The following LRRC28 variants were observed in gnomAD, a reference collection of about 807,000 sequenced individuals.
LRRC28 encodes the protein leucine-rich repeat-containing protein 28.
Under a neutral mutation model 45.7 loss-of-function variants are expected in LRRC28, and 39 were observed. The observed-to-expected ratio is 0.85, with a 90% CI of 0.66 to 1.12. LRRC28 has a LOEUF of 1.12. Ranked by LOEUF, LRRC28 falls within the 50% of genes most tolerant of loss-of-function variation. The probability of loss-of-function intolerance (pLI) is 0.00; values close to 1 mark genes in which losing one functional copy is unlikely to be tolerated. For missense variants in LRRC28, 435 were observed against 438.5 expected (o/e 0.99, Z 0.07); for synonymous variants, 206 against 178.8 (o/e 1.15, Z -1.22).
At chr15:99,341,083 C>CTTTTTTTTTTTTTT (rs528372394) in intron 6 of LRRC28, among the ~76,000 whole-genome samples, 2 of 100,492 alleles carry the variant, frequency 2.0e-5, no homozygotes, top group Non-Finnish European at 3.8e-5. Context: ...ATTCTACTGT[C>CTTTTTTTTTTTTTT]TTTTTTTTTT....
intron 2 of LRRC28, among the ~76,000 whole-genome samples, chr15:99,274,069 T>C (rs577860856): frequency 6.6e-6 from 1 of 152,246 alleles, no homozygotes; most frequent in Non-Finnish European, 1.5e-5. Context: ...TGACTAGTTA[T>C]GATGGATCTT....
At chr15:99,304,613 A>G (rs915505680) in intron 5 of LRRC28, among the ~76,000 whole-genome samples, 11 of 151,246 alleles carry the variant, frequency 7.3e-5, no homozygotes, top group African/African-American at 2.7e-4. Context: ...TTATTTATTT[A>G]TTTTTGTATT....
In LRRC28 at chr15:99,390,469, A is replaced by G. The variant is rs1958152609; in HGVS notation, c.*4367A>G. The G allele has an allele frequency of 6.6e-6, 1 of 152,200 alleles. No individual in the cohort carries two copies. Among genetic ancestry groups the G allele is most frequent in the African/African-American group, 2.4e-5 (1 of 41,450 alleles). The allele number at this position is 152,200 out of a possible 1,614,324, so 9.4% of individuals were successfully genotyped here. On this transcript the variant is annotated 3_prime_UTR_variant, in exon 10 of 10. Coordinates refer to ENST00000301981, the MANE Select transcript of LRRC28 (RefSeq NM_144598.5). Reference sequence around the variant, plus strand: ...TTATCTTTGCTACCTGTGTTAAAGAATATCAGGTTTTGTTTCTTATTGTGA... The same window carrying G: ...TTATCTTTGCTACCTGTGTTAAAGAGTATCAGGTTTTGTTTCTTATTGTGA...
At chr15:99,351,501 C>T (rs1465558701) in intron 6 of LRRC28, among the ~76,000 whole-genome samples, 1 of 152,172 alleles carries the variant, frequency 6.6e-6, no homozygotes, top group Admixed American at 6.5e-5. Context: ...CACTCCAGCT[C>T]CTGCTCTCTG....
At chr15:99,318,733 G>C (rs1475504531) in intron 5 of LRRC28, among the ~76,000 whole-genome samples, 1 of 151,762 alleles carries the variant, frequency 6.6e-6, no homozygotes, top group East Asian at 1.9e-4. Context: ...TTCTTACAAA[G>C]GCTATATATT....
At chr15:99,361,723 A>G (rs980103968) in intron 8 of LRRC28, among the ~76,000 whole-genome samples, 11 of 152,230 alleles carry the variant, frequency 7.2e-5, no homozygotes, top group African/African-American at 2.7e-4. Context: ...CTAATAAGAA[A>G]AATAGTTTTG....
At chr15:99,297,961 A>G (rs1281332473) in intron 5 of LRRC28, among the ~76,000 whole-genome samples, 1 of 152,144 alleles carries the variant, frequency 6.6e-6, no homozygotes, top group African/African-American at 2.4e-5. Context: ...ACATACAGAA[A>G]AATACTCCTT....
chr15:99,386,640 C>G lies in LRRC28; in HGVS notation c.*538C>G, dbSNP rs1567719990. On this transcript the variant is annotated 3_prime_UTR_variant, in exon 10 of 10. Transcript: ENST00000301981. ...CGCCTGAGTTGGCAGCAAAGTGAGG[C>G]TCCCATGGAGGCTCAGTGAGGGTCC... The G allele has an allele frequency of 6.5e-6, 1 of 153,030 alleles. No homozygotes were observed. Among genetic ancestry groups the G allele is most frequent in the Non-Finnish European group, 1.5e-5 (1 of 68,642 alleles). 9.5% of individuals were successfully genotyped at this position (153,030 alleles called of 1,614,324 possible). A position where few individuals can be genotyped will look rare whatever the true frequency, so the allele number is the denominator to read the frequency against.
At chr15:99,364,815 G>A (rs574662032) in intron 9 of LRRC28, among the ~76,000 whole-genome samples, 2 of 152,214 alleles carry the variant, frequency 1.3e-5, no homozygotes, top group South Asian at 2.1e-4. Context: ...GTAATAAAAA[G>A]CAAATGTTAA....
intron 6 of LRRC28, among the ~76,000 whole-genome samples, chr15:99,341,641 G>A (rs961677727): frequency 8.5e-5 from 13 of 152,148 alleles, no homozygotes; most frequent in African/African-American, 3.1e-4. Flanking sequence ...TGATTAATGT[G>A]AAGAAAGTGA....
At chr15:99,352,527 C>T in intron 7 of LRRC28, 56 bp downstream of exon 7, 1 of 1,414,284 alleles carries the variant, frequency 7.1e-7, no homozygotes, top group Non-Finnish European at 9.9e-7. Context: ...TTTGGTACTT[C>T]TGTTCAATTT....
chr15:99,288,346 T>C (rs9920418), intron 5 of LRRC28, among the ~76,000 whole-genome samples: 120,026 of 148,450 alleles, frequency 0.81, 48,786 homozygotes, highest in African/African-American at 0.9. Flanking sequence ...TCTTACTCTC[T>C]AGTGAGGTAA....
chr15:99,302,463 A>G (rs1422258304), intron 5 of LRRC28, among the ~76,000 whole-genome samples: 1 of 152,168 alleles, frequency 6.6e-6, no homozygotes, highest in South Asian at 2.1e-4. Context: ...ATCTTGGCTC[A>G]CTGCAACCTC....
chr15:99,337,887 A>G (rs1956378788), intron 6 of LRRC28: 1 of 152,390 alleles, frequency 6.6e-6, no homozygotes, highest in Non-Finnish European at 1.5e-5. Context: ...GATGATGATG[A>G]TGATGATGAA....
At chr15:99,379,568 C>A (rs12593670) in intron 9 of LRRC28, among the ~76,000 whole-genome samples, 18,551 of 152,110 alleles carry the variant, frequency 0.12, 1,358 homozygotes, top group East Asian at 0.31. Flanking sequence ...TTAGTTATTT[C>A]TTGGCTTCTG....
chr15:99,376,154 C>T (rs536097617), intron 9 of LRRC28, among the ~76,000 whole-genome samples: 4 of 152,122 alleles, frequency 2.6e-5, no homozygotes, highest in African/African-American at 9.6e-5. Context: ...ATTTTTGAAT[C>T]GTATTTTCAT....
At chr15:99,283,089 C>T (rs1306269536) in intron 3 of LRRC28, among the ~76,000 whole-genome samples, 2 of 151,918 alleles carry the variant, frequency 1.3e-5, no homozygotes, top group African/African-American at 4.8e-5. Flanking sequence ...GACGAGGTTT[C>T]TCCATGTTGG....
At chr15:99,265,368 G>A (rs1043803463) in intron 2 of LRRC28, among the ~76,000 whole-genome samples, 1 of 152,150 alleles carries the variant, frequency 6.6e-6, no homozygotes, top group Non-Finnish European at 1.5e-5. Flanking sequence ...GAGTGAATAC[G>A]GAGAATGGAG....
chr15:99,338,926 C>T (rs1185760660), intron 6 of LRRC28, among the ~76,000 whole-genome samples: 1 of 152,176 alleles, frequency 6.6e-6, no homozygotes, highest in Non-Finnish European at 1.5e-5. Flanking sequence ...TATTACTATG[C>T]CATCACAACT....
Sources: gnomAD v4.1 joint callset for allele counts (sites outside exome capture counted in the v4.1 genomes callset) on GRCh38, gnomAD v4.1.1 for gene constraint, MANE v1.5 for transcripts, NCBI Gene and HGNC (gene_info 2026-07-23, HGNC 2026-07-21) for gene names.